The following DLC1 variants were observed in gnomAD, a reference collection of about 807,000 sequenced individuals.
DLC1 encodes the protein DLC1 Rho GTPase activating protein, also known as rho GTPase-activating protein 7.
Under a neutral mutation model 140.3 loss-of-function variants are expected in DLC1, and 54 were observed. The ratio of observed to expected loss-of-function variants is 0.38; its 90% CI spans 0.31 to 0.48. DLC1 has a LOEUF of 0.48. Ranked by LOEUF, DLC1 falls within the 20% of genes least tolerant of loss-of-function variation. DLC1 has a pLI of 0.96. For missense variants in DLC1, 2,536 were observed against 1,907.0 expected (o/e 1.33, Z -6.14); for synonymous variants, 986 against 728.1 (o/e 1.35, Z -5.70).
intron 5 of DLC1, among the ~76,000 whole-genome samples, chr8:13,195,887 C>T (rs923026600): frequency 2.0e-5 from 3 of 152,216 alleles, no homozygotes; most frequent in African/African-American, 4.8e-5. Context: ...GAAATATAGA[C>T]TGTCACCTTT....
intron 7 of DLC1, among the ~76,000 whole-genome samples, chr8:13,106,121 G>A (rs1374133650): frequency 6.6e-6 from 1 of 152,114 alleles, no homozygotes; most frequent in Non-Finnish European, 1.5e-5. Context: ...GCCTATCAGA[G>A]GTTCAAGAGC....
chr8:13,343,418 C>T (rs1834167696), intron 4 of DLC1, among the ~76,000 whole-genome samples: 1 of 152,104 alleles, frequency 6.6e-6, no homozygotes, highest in Admixed American at 6.6e-5. Flanking sequence ...TGGAAAAAAG[C>T]TTTAAAATTA....
intron 5 of DLC1, among the ~76,000 whole-genome samples, chr8:13,128,718 C>T (rs1210827964): frequency 6.6e-6 from 1 of 151,964 alleles, no homozygotes; most frequent in Non-Finnish European, 1.5e-5. Flanking sequence ...TACTGTAGTC[C>T]CAGCTACTCG....
intron 5 of DLC1, among the ~76,000 whole-genome samples, chr8:13,127,032 A>C (rs1168583100): frequency 6.6e-6 from 1 of 152,232 alleles, no homozygotes; most frequent in Non-Finnish European, 1.5e-5. Context: ...AGCCACCTCC[A>C]GCCATTTCTA....
At chr8:13,469,749 A>G (rs1197843336) in intron 2 of DLC1, among the ~76,000 whole-genome samples, 1 of 152,166 alleles carries the variant, frequency 6.6e-6, no homozygotes, top group Admixed American at 6.5e-5. Flanking sequence ...TATGATTTTG[A>G]CCTTCTAATA....
intron 5 of DLC1, among the ~76,000 whole-genome samples, chr8:13,131,367 G>T (rs534086027): frequency 2.0e-5 from 3 of 152,136 alleles, no homozygotes; most frequent in Non-Finnish European, 4.4e-5. Context: ...TGTAATCTGA[G>T]ACTCAGTATT....
chr8:13,369,751 G>C (rs1343729145), intron 4 of DLC1, among the ~76,000 whole-genome samples: 1 of 151,936 alleles, frequency 6.6e-6, no homozygotes, highest in East Asian at 1.9e-4. Flanking sequence ...CTTGCCTCCT[G>C]CCTGGTCTCC....
chr8:13,573,103 C>A (rs1438318085), intron 1 of DLC1, among the ~76,000 whole-genome samples: 1 of 152,156 alleles, frequency 6.6e-6, no homozygotes, highest in Non-Finnish European at 1.5e-5. Context: ...CCAATTCACG[C>A]ACATTGATGT....
chr8:13,277,979 G>C (rs1831234133), intron 5 of DLC1, among the ~76,000 whole-genome samples: 1 of 152,202 alleles, frequency 6.6e-6, no homozygotes, highest in South Asian at 2.1e-4. Flanking sequence ...TACAAAGGAT[G>C]ATTATGAAAA....
intron 5 of DLC1, among the ~76,000 whole-genome samples, chr8:13,243,026 G>A (rs1829609347): frequency 6.6e-6 from 1 of 151,866 alleles, no homozygotes; most frequent in Non-Finnish European, 1.5e-5. Flanking sequence ...AGGTCTGGTT[G>A]TTTAAAAGTG....
rs763008299 is a variant in DLC1, at chr8:13,431,647, T to A, written c.1024-30028A>T. Among the ~76,000 whole-genome samples, 161 of 152,108 alleles carry A rather than the reference T, an allele frequency of 1.1e-3. 1 individual carries two copies. The highest frequency in any genetic ancestry group is 1.8e-3 in the Non-Finnish European group (121 of 68,020). Reference sequence around the variant, plus strand: ...CTACCTGAAATTCAAGACATACATCTGCTTTAGAAAGAATGTTCTGAGAAA... The same window carrying A: ...CTACCTGAAATTCAAGACATACATCAGCTTTAGAAAGAATGTTCTGAGAAA... On this transcript the variant is annotated intron_variant, in intron 2 of 17. Transcript: ENST00000276297.
At chr8:13,279,173 G>C (rs957362711) in intron 5 of DLC1, among the ~76,000 whole-genome samples, 1 of 152,210 alleles carries the variant, frequency 6.6e-6, no homozygotes, top group Non-Finnish European at 1.5e-5. Flanking sequence ...TCTGCAGATA[G>C]ATTTGAGGTG....
intron 5 of DLC1, among the ~76,000 whole-genome samples, chr8:13,182,560 C>A (rs544068029): frequency 5.8e-4 from 88 of 152,214 alleles, no homozygotes; most frequent in Non-Finnish European, 1.1e-3. Flanking sequence ...TTTCCCAGCA[C>A]CATTTATTAA....
intron 5 of DLC1, among the ~76,000 whole-genome samples, chr8:13,221,659 C>G (rs1219210699): frequency 2.7e-5 from 4 of 148,162 alleles, no homozygotes; most frequent in Non-Finnish European, 5.9e-5. Flanking sequence ...GTGTGAGCCA[C>G]CATGCCTGGC....
chr8:13,161,113 T>A (rs1475651197), intron 5 of DLC1, among the ~76,000 whole-genome samples: 1 of 151,844 alleles, frequency 6.6e-6, no homozygotes, highest in Admixed American at 6.6e-5. Context: ...GTGGGAGAGG[T>A]AGGCCTACAA....
chr8:13,323,650 C>T (rs1833219864), intron 4 of DLC1, among the ~76,000 whole-genome samples: 1 of 152,080 alleles, frequency 6.6e-6, no homozygotes, highest in Admixed American at 6.5e-5. Context: ...TTAGATTTTA[C>T]AATAAATATT....
At chr8:13,519,619 A>G (rs1402110321), upstream of DLC1, among the ~76,000 whole-genome samples, 2 of 152,206 alleles carry the variant, frequency 1.3e-5, no homozygotes, top group Admixed American at 1.3e-4. Context: ...GAACACACTT[A>G]AGTTTGGTCT....
intron 16 of DLC1, among the ~76,000 whole-genome samples, chr8:13,086,928 G>C (rs1200210260): frequency 6.6e-6 from 1 of 152,150 alleles, no homozygotes; most frequent in Non-Finnish European, 1.5e-5. Context: ...CGGGGGCTGA[G>C]ATGGTAGGAT....
intron 2 of DLC1, among the ~76,000 whole-genome samples, chr8:13,431,275 A>T (rs1838851237): frequency 6.6e-6 from 1 of 152,008 alleles, no homozygotes. Context: ...CGAGGTCAGG[A>T]GATCGAGACC....
Sources: allele counts gnomAD v4.1 joint callset (sites outside exome capture counted in the v4.1 genomes callset), GRCh38; gene constraint gnomAD v4.1.1; transcripts MANE v1.5; gene names NCBI Gene and HGNC (gene_info 2026-07-23, HGNC 2026-07-21).